Variants in NTPCR observed in about 807,000 individuals in gnomAD.
NTPCR encodes nucleoside-triphosphatase, cancer-related, also known as cancer-related nucleoside-triphosphatase.
A neutral mutation model predicts 19.5 loss-of-function variants in NTPCR; 15 were observed. The ratio of observed to expected loss-of-function variants is 0.77; its 90% CI spans 0.51 to 1.18. The LOEUF is 1.18. Among genes scored for constraint, NTPCR ranks in the 50% most tolerant of loss-of-function variants. The pLI is 0.00. For synonymous variants in NTPCR, 90 were observed against 95.8 expected (o/e 0.94, Z 0.36); for missense variants, 206 against 240.4 (o/e 0.86, Z 0.95).
At chr1:232,952,343 G>A (rs1668388698) in intron 1 of NTPCR, among the ~76,000 whole-genome samples, 1 of 151,574 alleles carries the variant, frequency 6.6e-6, no homozygotes, top group South Asian at 2.1e-4. Context: ...CTGAATAGCT[G>A]GATCTACAAG....
intron 1 of NTPCR, among the ~76,000 whole-genome samples, chr1:232,952,396 C>T (rs1668391540): frequency 6.7e-6 from 1 of 150,346 alleles, no homozygotes; most frequent in Non-Finnish European, 1.5e-5. Context: ...TTTGTAGAGA[C>T]CTGTCTCTTG....
rs556492068 is a variant in NTPCR, at chr1:232,978,431, A to G, written c.*200A>G. On this transcript the variant is annotated 3_prime_UTR_variant, in exon 5 of 5. Coordinates refer to ENST00000366628, the MANE Select transcript of NTPCR (RefSeq NM_032324.3). The stretch of plus-strand genomic sequence containing the variant: ...CTGGATTGTCTGTACAAGATTAACT[A>G]TCCATTGTGGCTTATCTATGCTTAA... 61 of 516,488 alleles carry G rather than the reference A, an allele frequency of 1.2e-4. No individual in the cohort carries two copies. In the East Asian group the frequency reaches 1.8e-3, roughly 16 times the overall value. The allele number at this position is 516,488 out of a possible 1,614,324, so 32.0% of individuals were successfully genotyped here.
chr1:232,973,947 G>A (rs1305204074), intron 4 of NTPCR, among the ~76,000 whole-genome samples: 5 of 152,200 alleles, frequency 3.3e-5, no homozygotes, highest in Admixed American at 2.6e-4. Context: ...AACAAAAGAT[G>A]TGACATTCAC....
At chr1:232,955,257 A>C (rs1668478033) in intron 1 of NTPCR, among the ~76,000 whole-genome samples, 3 of 152,078 alleles carry the variant, frequency 2.0e-5, no homozygotes, top group African/African-American at 7.2e-5. Flanking sequence ...ATCATCAGGA[A>C]CCTCTCAGTT....
chr1:232,976,583 TA>T, intron 4 of NTPCR: 1 of 1,463,810 alleles, frequency 6.8e-7, no homozygotes, highest in Non-Finnish European at 9.0e-7. Flanking sequence ...CAAAAAGCCT[TA>T]TAGGCTTTGG....
At position 232,978,366 on chromosome 1, in the gene NTPCR, T is replaced by C; in HGVS notation, c.*135T>C. The C allele has an allele frequency of 1.5e-6, 1 of 657,690 alleles. No homozygotes were observed. Among genetic ancestry groups the C allele is most frequent in the Non-Finnish European group, 2.6e-6 (1 of 378,384 alleles). 40.7% of individuals were successfully genotyped at this position (657,690 alleles called of 1,614,324 possible). ...TTTTCTAGAGAAAACTCAACAGCTG[T>C]TTCCCATAAAATGTTTAAAAGATCA... On this transcript the variant is annotated 3_prime_UTR_variant, in exon 5 of 5. Transcript: ENST00000366628.
At position 232,955,807 on chromosome 1, in the gene NTPCR, A is replaced by G. The variant is rs927461832; in HGVS notation, c.197+88A>G. On this transcript the variant is annotated intron_variant, in intron 2 of 4. Transcript: ENST00000366628. ...GAGCTTTTCAACAAGAGCTAAATTC[A>G]CCAAAAGCAGATACTCTGTTGGGTC... 7 of 1,323,130 alleles carry G rather than the reference A, an allele frequency of 5.3e-6. No individual in the cohort carries two copies. In the African/African-American group the frequency reaches 1.0e-4, roughly 19 times the overall value. 82.0% of individuals were successfully genotyped at this position (1,323,130 alleles called of 1,614,324 possible).
chr1:232,976,623 T>C (rs1408413753), intron 4 of NTPCR: 19 of 1,422,204 alleles, frequency 1.3e-5, no homozygotes, highest in Non-Finnish European at 1.7e-5. Context: ...AAGGAAAAGC[T>C]GACTGTCCTC....
Position 232,963,412 on chromosome 1 carries a change from G to A in NTPCR, c.295-6497G>A, listed in dbSNP as rs375548597. On this transcript the variant is annotated intron_variant, in intron 3 of 4. Transcript: ENST00000366628. ...TTGCCCTGGGTTATGACACCTTCAT[G>A]TCTTTCTTCTTGCAGTCCACTCTCA... 7.7e-4 allele frequency: 118 copies of A among 152,298 alleles called. 1 individual carries two copies. Among genetic ancestry groups the A allele is most frequent in the African/African-American group, 2.7e-3 (113 of 41,560 alleles). 9.4% of individuals were successfully genotyped at this position (152,298 alleles called of 1,614,324 possible).
chr1:232,955,711 G>T lies in NTPCR; in HGVS notation c.189G>T (p.Ser63=), dbSNP rs1183221456. Reference sequence around the variant, plus strand: ...TGTCCGGCACCCGGGGGCCTTTATCGAGAGTTGGGTACTGATATTTCATTT... The same window carrying T: ...TGTCCGGCACCCGGGGGCCTTTATCTAGAGTTGGGTACTGATATTTCATTT... The part of the protein sequence containing the change: ...VTLSGTRGPL[S]RVGLEPPPGK... The change falls in exon 2 of 5, where the codon TCG becomes TCT. Residue 63 remains serine, a synonymous_variant. Coordinates refer to ENST00000366628, the MANE Select transcript of NTPCR (RefSeq NM_032324.3). The T allele has an allele frequency of 1.2e-6, 2 of 1,613,598 alleles. No homozygotes were observed. Among genetic ancestry groups the T allele is most frequent in the Non-Finnish European group, 1.7e-6 (2 of 1,179,792 alleles).
chr1:232,963,987 C>G (rs1668741303), intron 3 of NTPCR: 1 of 152,030 alleles, frequency 6.6e-6, no homozygotes, highest in Admixed American at 6.6e-5. Flanking sequence ...TAAGGATATG[C>G]TTTTACATAA....
At position 232,978,641 on chromosome 1, in the gene NTPCR, C is replaced by T. The variant is rs1669213112; in HGVS notation, c.*410C>T. ...TGCATGTCATGAAAATTAAATTCCT[C>T]TCCAGGTGCAGCTTCAGCCTCATGC... On this transcript the variant is annotated 3_prime_UTR_variant, in exon 5 of 5. Coordinates refer to ENST00000366628, the MANE Select transcript of NTPCR (RefSeq NM_032324.3). 6.4e-6 allele frequency: 1 copy of T among 155,494 alleles called. No homozygotes were observed. The highest frequency in any genetic ancestry group is 6.5e-5 in the Admixed American group (1 of 15,446). The allele number at this position is 155,494 out of a possible 1,614,324, so 9.6% of individuals were successfully genotyped here.
In NTPCR at chr1:232,969,758, C is replaced by T. The variant is rs551774691; in HGVS notation, c.295-151C>T. On this transcript the variant is annotated intron_variant, in intron 3 of 4. Transcript: ENST00000366628. The stretch of plus-strand genomic sequence containing the variant: ...GCAGTCCCCTCCCACACAGTACCAG[C>T]GGTGGTCTGTGGGATGCTGTCACTT... The T allele has an allele frequency of 1.1e-4, 66 of 617,788 alleles. 1 individual carries two copies. In the South Asian group the frequency reaches 1.1e-3, roughly 10 times the overall value. The allele number at this position is 617,788 out of a possible 1,614,324, so 38.3% of individuals were successfully genotyped here.
intron 1 of NTPCR, 37 bp downstream of exon 1, chr1:232,950,781 G>A (rs1176680229): frequency 6.8e-7 from 1 of 1,480,950 alleles, no homozygotes; most frequent in Non-Finnish European, 9.2e-7. Flanking sequence ...AAGAGGTCGA[G>A]GGGGTGGGGG....
chr1:232,973,379 G>C (rs1009926874), intron 4 of NTPCR, among the ~76,000 whole-genome samples: 3 of 152,138 alleles, frequency 2.0e-5, no homozygotes, highest in Non-Finnish European at 4.4e-5. Flanking sequence ...ACAAGATAGA[G>C]TAGACACACT....
chr1:232,972,240 T>G (rs2102756511), intron 4 of NTPCR, among the ~76,000 whole-genome samples: 1 of 152,200 alleles, frequency 6.6e-6, no homozygotes, highest in Middle Eastern at 3.4e-3. Context: ...CATACCCTGT[T>G]TTTTTTTGTT....
chr1:232,963,833 CTCTGTGTGTGTGTGTGTGTGTGTGTG>C lies in NTPCR; in HGVS notation c.295-6074_295-6049del, dbSNP rs1668735449. The C allele has an allele frequency of 3.1e-5, 4 of 127,948 alleles. No homozygotes were observed. The South Asian group carries it at 1.0e-3, about 32-fold the overall frequency. 7.9% of individuals were successfully genotyped at this position (127,948 alleles called of 1,614,324 possible). A position where few individuals can be genotyped will look rare whatever the true frequency, so the allele number is the denominator to read the frequency against. On this transcript the variant is annotated intron_variant, in intron 3 of 4. Coordinates refer to ENST00000366628, the MANE Select transcript of NTPCR (RefSeq NM_032324.3). Reference sequence around the variant, plus strand: ...TTTGCCTTGTTTGCTTATTCTCTCTCTCTGTGTGTGTGTGTGTGTGTGTGTGTGTGTGTGTTTGTGTGTGTGTATAA... The same window carrying C: ...TTTGCCTTGTTTGCTTATTCTCTCTCTGTGTGTGTTTGTGTGTGTGTATAA...
At chr1:232,972,594 T>C (rs528318498) in intron 4 of NTPCR, among the ~76,000 whole-genome samples, 1 of 152,198 alleles carries the variant, frequency 6.6e-6, no homozygotes, top group Non-Finnish European at 1.5e-5. Context: ...CCTGACTCAT[T>C]TGTGCATTTT....
intron 1 of NTPCR, among the ~76,000 whole-genome samples, chr1:232,952,007 C>G (rs1200673134): frequency 6.6e-6 from 1 of 152,130 alleles, no homozygotes; most frequent in African/African-American, 2.4e-5. Context: ...TTATCAAAGT[C>G]TTACCTACAC....
Sources: allele counts gnomAD v4.1 joint callset (sites outside exome capture counted in the v4.1 genomes callset), GRCh38; gene constraint gnomAD v4.1.1; transcripts MANE v1.5; gene names NCBI Gene and HGNC (gene_info 2026-07-23, HGNC 2026-07-21).